Variants in ARHGAP22 observed in about 807,000 individuals in gnomAD.
The protein encoded by ARHGAP22 is Rho GTPase activating protein 22.
A neutral mutation model predicts 59.1 loss-of-function variants in ARHGAP22; 48 were observed. The ratio of observed to expected loss-of-function variants is 0.81; its 90% CI spans 0.64 to 1.03. The LOEUF (loss-of-function observed/expected upper bound fraction) is 1.03, where lower values mean the gene tolerates loss of function less well. Among genes scored for constraint, ARHGAP22 ranks in the 50% least tolerant of loss-of-function variants. The pLI is 0.00. For missense variants in ARHGAP22, 1,015 were observed against 958.7 expected (o/e 1.06, Z -0.78); for synonymous variants, 445 against 416.4 (o/e 1.07, Z -0.84).
At chr10:48,443,971 A>G (rs2045264974), downstream of ARHGAP22, 1 of 152,184 alleles carries the variant, frequency 6.6e-6, no homozygotes, top group Non-Finnish European at 1.5e-5. Context: ...AGACATTCAC[A>G]ATTTCCAGTA....
intron 3 of ARHGAP22, among the ~76,000 whole-genome samples, chr10:48,523,588 G>A (rs1174118403): frequency 6.6e-6 from 1 of 152,232 alleles, no homozygotes; most frequent in Non-Finnish European, 1.5e-5. Context: ...TGACAGAGGC[G>A]GGCGAGAATG....
chr10:48,509,840 G>A (rs1319931704), intron 3 of ARHGAP22, among the ~76,000 whole-genome samples: 1 of 152,242 alleles, frequency 6.6e-6, no homozygotes, highest in Non-Finnish European at 1.5e-5. Flanking sequence ...GGCACAGGAA[G>A]GAAGGATGTT....
At chr10:48,550,783 G>A (rs2056835480) in intron 3 of ARHGAP22, among the ~76,000 whole-genome samples, 1 of 152,214 alleles carries the variant, frequency 6.6e-6, no homozygotes, top group Admixed American at 6.5e-5. Flanking sequence ...AAGCTCACTG[G>A]AGAATAAACA....
In ARHGAP22 at chr10:48,511,491, C is replaced by G. The variant is rs2052761743; in HGVS notation, c.323-31727G>C. ...CAGGCCTCTCTCCATCCGACTCTCC[C>G]TATTGGTAAACGGAGGAAGCAGAAA... On this transcript the variant is annotated intron_variant, in intron 3 of 9. Transcript: ENST00000249601. 7 of 152,308 alleles carry G rather than the reference C, an allele frequency of 4.6e-5. No homozygotes were observed. In the South Asian group the frequency reaches 1.4e-3, roughly 31 times the overall value. 9.4% of individuals were successfully genotyped at this position (152,308 alleles called of 1,614,324 possible). A position where few individuals can be genotyped will look rare whatever the true frequency, so the allele number is the denominator to read the frequency against.
At chr10:48,582,105 C>G (rs1344872944) in intron 2 of ARHGAP22, among the ~76,000 whole-genome samples, 3 of 152,242 alleles carry the variant, frequency 2.0e-5, no homozygotes, top group Non-Finnish European at 4.4e-5. Flanking sequence ...AGAGTCCCCT[C>G]TCTGCCCCCA....
chr10:48,530,614 G>A (rs2054749591), intron 3 of ARHGAP22, among the ~76,000 whole-genome samples: 1 of 151,994 alleles, frequency 6.6e-6, no homozygotes, highest in Non-Finnish European at 1.5e-5. Context: ...CTAAGGACAC[G>A]AACAAACAAT....
At chr10:48,457,793 A>AG (rs2046699695) in intron 5 of ARHGAP22, among the ~76,000 whole-genome samples, 2 of 152,022 alleles carry the variant, frequency 1.3e-5, no homozygotes, top group Non-Finnish European at 2.9e-5. Context: ...GAAAGTGAGG[A>AG]GGGGGCTTCC....
chr10:48,572,660 T>C (rs901822676), intron 2 of ARHGAP22, among the ~76,000 whole-genome samples: 2 of 152,224 alleles, frequency 1.3e-5, no homozygotes, highest in Non-Finnish European at 2.9e-5. Flanking sequence ...AGCTAATCTG[T>C]TCAGGACAAA....
chr10:48,630,960 T>C (rs2061608876), intron 1 of ARHGAP22, among the ~76,000 whole-genome samples: 1 of 152,266 alleles, frequency 6.6e-6, no homozygotes, highest in Non-Finnish European at 1.5e-5. Context: ...CCTCTAATTC[T>C]AGTTTGCTAA....
intron 1 of ARHGAP22, among the ~76,000 whole-genome samples, chr10:48,588,551 C>T (rs1396873348): frequency 6.6e-6 from 1 of 152,182 alleles, no homozygotes; most frequent in Non-Finnish European, 1.5e-5. Flanking sequence ...CAGAACAGAT[C>T]AGAGTTTCTG....
Position 48,645,933 on chromosome 10 carries a change from T to C in ARHGAP22, c.52+6301A>G, listed in dbSNP as rs147468424. Among the ~76,000 whole-genome samples the C allele has an allele frequency of 1.6e-3, 251 of 152,298 alleles. 1 individual carries two copies. Among genetic ancestry groups the C allele is most frequent in the African/African-American group, 5.9e-3 (247 of 41,562 alleles). On this transcript the variant is annotated intron_variant, in intron 1 of 9. Transcript: ENST00000435790. ...CTGTCTTTATTTGCAGATGATATGA[T>C]ACTGTGTTTGGAAAATTATCACAAG...
At chr10:48,591,408 T>C (rs3851552) in intron 1 of ARHGAP22, among the ~76,000 whole-genome samples, 50,037 of 152,010 alleles carry the variant, frequency 0.33, 8,500 homozygotes, top group South Asian at 0.39. Context: ...GGAGGGATCC[T>C]TCATTTCTCA....
At chr10:48,517,807 A>C (rs1221998131) in intron 3 of ARHGAP22, among the ~76,000 whole-genome samples, 1 of 152,206 alleles carries the variant, frequency 6.6e-6, no homozygotes, top group African/African-American at 2.4e-5. Flanking sequence ...TCAGAGAATC[A>C]TCAAAGTTCA....
intron 3 of ARHGAP22, among the ~76,000 whole-genome samples, chr10:48,505,464 A>G (rs2052009501): frequency 6.6e-6 from 1 of 152,114 alleles, no homozygotes. Flanking sequence ...CCAAAAATAC[A>G]GATGCAGGAG....
intron 3 of ARHGAP22, among the ~76,000 whole-genome samples, chr10:48,536,069 G>A (rs927330229): frequency 3.9e-5 from 6 of 152,240 alleles, no homozygotes; most frequent in African/African-American, 1.2e-4. Flanking sequence ...ATAGATAGAT[G>A]TTGGGGTGGG....
At position 48,584,813 on chromosome 10, in the gene ARHGAP22, C is replaced by T. The variant is rs546006393; in HGVS notation, c.35-1661G>A. Among the ~76,000 whole-genome samples the T allele has an allele frequency of 4.6e-5, 7 of 152,080 alleles. No homozygotes were observed. In the East Asian group the frequency reaches 5.8e-4, roughly 13 times the overall value. On this transcript the variant is annotated intron_variant, in intron 1 of 9. Transcript: ENST00000249601. ...ATTGAGACCGTCTTGGCTAACACGG[C>T]GAAACCCTGTCTCTACTAAAAATAC... is the stretch of plus-strand genomic sequence containing the variant.
chr10:48,614,276 AGACAGTTGAGAAGAG>A (rs1362789906), intron 1 of ARHGAP22, among the ~76,000 whole-genome samples: 1 of 152,242 alleles, frequency 6.6e-6, no homozygotes, highest in Non-Finnish European at 1.5e-5. Context: ...TGAGAGAGTT[AGACAGTTGAGAAGAG>A]GACAGTATTT....
At chr10:48,481,630 CCTGT>C (rs1173973605) in intron 3 of ARHGAP22, among the ~76,000 whole-genome samples, 11 of 152,270 alleles carry the variant, frequency 7.2e-5, no homozygotes, top group African/African-American at 2.4e-4. Flanking sequence ...GTGCTCTCAG[CCTGT>C]CTAACTTTTT....
chr10:48,470,833 C>T (rs1006581742), intron 4 of ARHGAP22, among the ~76,000 whole-genome samples: 1 of 152,216 alleles, frequency 6.6e-6, no homozygotes, highest in Non-Finnish European at 1.5e-5. Context: ...TCTTGAATCT[C>T]CCAGGAGGGC....
Sources: gnomAD v4.1 joint callset for allele counts (sites outside exome capture counted in the v4.1 genomes callset) on GRCh38, gnomAD v4.1.1 for gene constraint, MANE v1.5 for transcripts, NCBI Gene and HGNC (gene_info 2026-07-23, HGNC 2026-07-21) for gene names.